Variants in SEL1L3 observed in about 807,000 individuals in gnomAD.
SEL1L3 encodes the protein SEL1L family member 3, also known as protein sel-1 homolog 3.
A neutral mutation model predicts 142.8 loss-of-function variants in SEL1L3; 76 were observed. The ratio of observed to expected loss-of-function variants is 0.53; its 90% CI spans 0.44 to 0.64. The LOEUF (loss-of-function observed/expected upper bound fraction) is 0.64. SEL1L3 is among the 30% of genes least tolerant of loss of function. SEL1L3 has a pLI of 0.00. For missense variants in SEL1L3, 1,262 were observed against 1,381.7 expected (o/e 0.91, Z 1.37); for synonymous variants, 504 against 519.6 (o/e 0.97, Z 0.41).
chr4:25,767,936 A>T (rs374449681), intron 17 of SEL1L3, 106 bp from the exon 18 acceptor site: 90 of 690,040 alleles, frequency 1.3e-4, no homozygotes, highest in African/African-American at 1.1e-3. Flanking sequence ...CAGTTTTTTT[A>T]AAAAAACCAC....
the SEL1L3 span, among the ~76,000 whole-genome samples, chr4:25,734,523 T>C: frequency 2.9e-3 from 448 of 152,280 alleles, 4 homozygotes; most frequent in African/African-American, 0.01. Flanking sequence ...AACGTCTTCT[T>C]TTCATTAATT....
the SEL1L3 span, among the ~76,000 whole-genome samples, chr4:25,731,032 AAAAAT>A: frequency 5.7e-4 from 87 of 152,308 alleles, no homozygotes; most frequent in African/African-American, 2.1e-3. Context: ...CTCTGTCTCA[AAAAAT>A]AAAATAAAGT....
At chr4:25,752,418 GA>G (rs76936235) in intron 23 of SEL1L3, among the ~76,000 whole-genome samples, 39,624 of 98,732 alleles carry the variant, frequency 0.4, 6,818 homozygotes, top group East Asian at 0.69. Flanking sequence ...CTCCATCTCC[GA>G]AAAAAAAAAA....
At position 25,862,849 on chromosome 4, in the gene SEL1L3, C is replaced by T. The variant is rs1056393293; in HGVS notation, c.-13G>A. ...CGCGCCGCTGCATGGCGAGGCCGCC[C>T]GGATCCGGGCCGGAACAGGTCACCT... On this transcript the variant is annotated 5_prime_UTR_variant, in exon 1 of 24. Transcript: ENST00000399878. The T allele has an allele frequency of 1.8e-6, 2 of 1,100,096 alleles. No individual in the cohort carries two copies. Among genetic ancestry groups the T allele is most frequent in the African/African-American group, 1.7e-5 (1 of 59,664 alleles). The allele number at this position is 1,100,096 out of a possible 1,614,324, so 68.1% of individuals were successfully genotyped here. A position where few individuals can be genotyped will look rare whatever the true frequency, so the allele number is the denominator to read the frequency against.
intron 1 of SEL1L3, among the ~76,000 whole-genome samples, chr4:25,848,808 A>C (rs769597248): frequency 6.6e-6 from 1 of 152,232 alleles, no homozygotes; most frequent in Non-Finnish European, 1.5e-5. Flanking sequence ...TATGGAAAAT[A>C]GTATAGCAGT....
chr4:25,769,471 C>T (rs998925644), intron 17 of SEL1L3, among the ~76,000 whole-genome samples: 1 of 152,176 alleles, frequency 6.6e-6, no homozygotes, highest in African/African-American at 2.4e-5. Flanking sequence ...GATAACAAGC[C>T]TCCAAGTGCA....
chr4:25,722,305 A>G, the SEL1L3 span, among the ~76,000 whole-genome samples: 1 of 152,308 alleles, frequency 6.6e-6, no homozygotes, highest in Non-Finnish European at 1.5e-5. Context: ...CGTTACCTTC[A>G]CAAGATAAAT....
intron 7 of SEL1L3, 114 bp from the exon 8 acceptor site, chr4:25,820,054 C>G: frequency 1.1e-6 from 1 of 944,488 alleles, no homozygotes; most frequent in South Asian, 1.5e-5. Flanking sequence ...CCAGGTGGCT[C>G]GTTTGTACAC....
chr4:25,830,634 C>G (rs562102590), intron 5 of SEL1L3, among the ~76,000 whole-genome samples: 1 of 152,278 alleles, frequency 6.6e-6, no homozygotes, highest in South Asian at 2.1e-4. Flanking sequence ...AACAGGGACA[C>G]TATTTTTTGT....
the SEL1L3 span, among the ~76,000 whole-genome samples, chr4:25,738,048 C>A: frequency 4.6e-5 from 7 of 152,068 alleles, no homozygotes; most frequent in African/African-American, 7.2e-5. Context: ...TGCCGCCACA[C>A]CTGCCTAATT....
At chr4:25,764,496 T>C (rs1718587208) in intron 20 of SEL1L3, among the ~76,000 whole-genome samples, 1 of 152,226 alleles carries the variant, frequency 6.6e-6, no homozygotes, top group African/African-American at 2.4e-5. Context: ...GCAACTTTTC[T>C]ACAAATCTAA....
the SEL1L3 span, among the ~76,000 whole-genome samples, chr4:25,717,645 G>A: frequency 1.3e-5 from 2 of 152,158 alleles, no homozygotes; most frequent in African/African-American, 2.4e-5. Flanking sequence ...CAGCCTGGGC[G>A]ACAGAGCGAG....
At position 25,824,956 on chromosome 4, in the gene SEL1L3, G is replaced by A. The variant is rs533056658; in HGVS notation, c.1158-2828C>T. 2.6e-4 allele frequency among the ~76,000 whole-genome samples: 39 copies of A among 152,158 alleles called. 2 individuals carry two copies. The South Asian group carries it at 7.9e-3, about 31-fold the overall frequency. ...TTCACAAGTATCTTTGCTTTCATTT[G>A]GAAGAAACAGAAATTGGGTGTTGTT... On this transcript the variant is annotated intron_variant, in intron 6 of 23. Transcript: ENST00000399878.
At chr4:25,790,428 C>G (rs749034366) in intron 12 of SEL1L3, 27 bp downstream of exon 12, 19 of 1,612,392 alleles carry the variant, frequency 1.2e-5, no homozygotes, top group Non-Finnish European at 1.5e-5. Context: ...CTGACAGAAT[C>G]CCCAAGACAG....
At chr4:25,796,150 A>T (rs191797655) in intron 11 of SEL1L3, among the ~76,000 whole-genome samples, 8 of 152,298 alleles carry the variant, frequency 5.3e-5, no homozygotes, top group African/African-American at 1.9e-4. Flanking sequence ...CAGTGTCTGG[A>T]GACAAAGCAA....
At chr4:25,831,023 A>G (rs866952552) in intron 5 of SEL1L3, among the ~76,000 whole-genome samples, 1 of 152,338 alleles carries the variant, frequency 6.6e-6, no homozygotes, top group African/African-American at 2.4e-5. Flanking sequence ...CAGATAGAAT[A>G]GAAAGAAGAA....
intron 23 of SEL1L3, chr4:25,756,698 C>T: frequency 9.2e-7 from 1 of 1,083,132 alleles, no homozygotes; most frequent in African/African-American, 1.6e-5. Flanking sequence ...AGAAAAATAA[C>T]AATGATTAGT....
At chr4:25,812,146 G>GA (rs1714075814) in intron 9 of SEL1L3, among the ~76,000 whole-genome samples, 1 of 152,186 alleles carries the variant, frequency 6.6e-6, no homozygotes, top group Non-Finnish European at 1.5e-5. Context: ...ATATGTTAGT[G>GA]AAGTGATCCT....
rs576354890 is a variant in SEL1L3, at chr4:25,781,145, C to T, written c.2457+1097G>A. On this transcript the variant is annotated intron_variant, in intron 15 of 23. Transcript: ENST00000399878. ...CAGGTGTGAACCACCACTCTCAGCC[C>T]TCCTGAACTTGTTTTAGTTCTCTGC... Among the ~76,000 whole-genome samples the T allele has an allele frequency of 3.9e-5, 6 of 152,188 alleles. No homozygotes were observed. In the South Asian group the frequency reaches 1.2e-3, roughly 32 times the overall value.
Sources: allele counts gnomAD v4.1 joint callset (sites outside exome capture counted in the v4.1 genomes callset), GRCh38; gene constraint gnomAD v4.1.1; transcripts MANE v1.5; gene names NCBI Gene and HGNC (gene_info 2026-07-23, HGNC 2026-07-21).